The following DSCAML1 variants were observed in gnomAD, a reference collection of about 807,000 sequenced individuals.
DSCAML1 encodes DS cell adhesion molecule like 1, also known as cell adhesion molecule DSCAML1.
In DSCAML1, 38 loss-of-function variants were observed where a neutral mutation model predicts 200.5. That is an observed-to-expected ratio of 0.19 (90% CI 0.15 to 0.25). The LOEUF (loss-of-function observed/expected upper bound fraction) is 0.25. Ranked by LOEUF, DSCAML1 falls within the 10% of genes least tolerant of loss-of-function variation. The pLI is 1.00. For missense variants in DSCAML1, 2,223 were observed against 2,858.8 expected, an observed-to-expected ratio of 0.78 and a Z score of 5.07; for synonymous variants, 1,215 against 1,165.0, an observed-to-expected ratio of 1.04 and a Z score of -0.87.
At chr11:117,796,068 G>A (rs1370954470) in intron 1 of DSCAML1, among the ~76,000 whole-genome samples, 1 of 152,246 alleles carries the variant, frequency 6.6e-6, no homozygotes, top group Non-Finnish European at 1.5e-5. Flanking sequence ...CTCTGCGATA[G>A]CCTGGAACCC....
intron 11 of DSCAML1, among the ~76,000 whole-genome samples, chr11:117,499,436 C>T (rs763752755): frequency 1.3e-5 from 2 of 151,944 alleles, no homozygotes; most frequent in Non-Finnish European, 2.9e-5. Context: ...GGAAACAGGC[C>T]CAGAGAAAGG....
Position 117,532,390 on chromosome 11 carries a change from C to A in DSCAML1, c.644G>T (p.Arg215Leu). 1 of 1,613,862 alleles carries A rather than the reference C, an allele frequency of 6.2e-7. No individual in the cohort carries two copies. The highest frequency in any genetic ancestry group is 1.1e-5 in the South Asian group (1 of 91,048). ...CTCTCCCCTACCTGTCACAGAGAGG[C>A]GTGCCCCATTGCTCTGCCGGGTCTC... ...SGETRQSNGA[R>L]LSVTDPAESI... Residue 215 changes from arginine (R) to leucine (L), a missense_variant, in exon 4 of 33, where the codon CGC (arginine) becomes CTC (leucine). Physicochemically the swap from Arg to Leu is moderately radical, Grantham distance 102. This residue lies in a region of DSCAML1 where 579 missense variants were observed against 721.5 expected (regional missense o/e 0.80). Coordinates refer to ENST00000651296, the MANE Select transcript of DSCAML1 (RefSeq NM_020693.4).
In DSCAML1 at chr11:117,443,937, C is replaced by A; in HGVS notation, c.3811G>T (p.Ala1271Ser). Residue 1271 changes from alanine (A) to serine (S), a missense_variant, in exon 21 of 33, where the codon GCC becomes TCC. This residue lies in a region of DSCAML1 where 614 missense variants were observed against 739.1 expected (regional missense o/e 0.83). Transcript: ENST00000651296. ...TTCTCGCTGCTGTTGCCCCGGCCGG[C>A]AGAGGTGACGGCGGCCACCCACAGC... Reference protein sequence around the residue: ...YLLWVAAVTSAGRGNSSEKVT... With the variant: ...YLLWVAAVTSSGRGNSSEKVT... 1 of 1,613,238 alleles carries A rather than the reference C, an allele frequency of 6.2e-7. No individual in the cohort carries two copies. Among genetic ancestry groups the A allele is most frequent in the Non-Finnish European group, 8.5e-7 (1 of 1,179,800 alleles).
intron 3 of DSCAML1, among the ~76,000 whole-genome samples, chr11:117,537,462 G>C (rs1250872979): frequency 1.3e-5 from 2 of 152,196 alleles, no homozygotes; most frequent in Non-Finnish European, 2.9e-5. Flanking sequence ...CACCAGGGGT[G>C]GCGGGGAAAG....
chr11:117,490,812 C>A (rs1346523512), intron 11 of DSCAML1, among the ~76,000 whole-genome samples: 2 of 152,196 alleles, frequency 1.3e-5, no homozygotes, highest in African/African-American at 4.8e-5. Flanking sequence ...TTCTTCCTCA[C>A]ATGGAGAGAT....
chr11:117,742,776 A>G (rs553391748), intron 3 of DSCAML1, among the ~76,000 whole-genome samples: 121 of 152,340 alleles, frequency 7.9e-4, no homozygotes, highest in Middle Eastern at 3.4e-3. Context: ...GAATCAGAGA[A>G]AAATATTTGG....
chr11:117,524,787 G>C lies in DSCAML1; in HGVS notation c.937+18C>G. ...CTCAGAGGTTACTGGGGCTGCAGAA[G>C]GGGCTTCCCCGACTCACCAATGACC... On this transcript the variant is annotated intron_variant, in intron 5 of 32. Coordinates refer to ENST00000651296, the MANE Select transcript of DSCAML1 (RefSeq NM_020693.4). 6.4e-7 allele frequency: 1 copy of C among 1,561,842 alleles called. No homozygotes were observed. The highest frequency in any genetic ancestry group is 8.7e-7 in the Non-Finnish European group (1 of 1,152,554).
chr11:117,437,367 T>C lies in DSCAML1; in HGVS notation c.4475A>G (p.Asn1492Ser), dbSNP rs770444049. The C allele has an allele frequency of 6.2e-7, 1 of 1,613,338 alleles. No homozygotes were observed. The highest frequency in any genetic ancestry group is 1.7e-5 in the Admixed American group (1 of 59,954). The change falls in exon 26 of 33, where the codon AAC becomes AGC. Residue 1492 changes from asparagine (N) to serine (S), a missense_variant. This residue lies in a region of DSCAML1 where 614 missense variants were observed against 739.1 expected (regional missense o/e 0.83). Transcript: ENST00000651296. The surrounding 1 kb of genome is among the most constrained non-coding windows in gnomAD (Gnocchi z 5.3). ...CAGGTTAAGCCGAGCATGCGTGGAG[T>C]TGATGTGGGTGAAGAGGTGTTGGTC... ...SKDQHLFTHINSTHARLNLQG... is the reference protein window; with the variant it reads ...SKDQHLFTHISSTHARLNLQG...
At chr11:117,542,726 T>C (rs1159334746) in intron 3 of DSCAML1, among the ~76,000 whole-genome samples, 1 of 152,270 alleles carries the variant, frequency 6.6e-6, no homozygotes, top group African/African-American at 2.4e-5. Context: ...CAGGCACATC[T>C]TCCCTCTCTT....
At chr11:117,696,994 T>TA (rs1163914688) in intron 3 of DSCAML1, among the ~76,000 whole-genome samples, 3 of 152,250 alleles carry the variant, frequency 2.0e-5, no homozygotes, top group African/African-American at 7.2e-5. Flanking sequence ...AGCTAACATT[T>TA]AACAAGGACC....
At chr11:117,431,266 A>C (rs2047786586) in intron 31 of DSCAML1, among the ~76,000 whole-genome samples, 1 of 152,242 alleles carries the variant, frequency 6.6e-6, no homozygotes, top group Non-Finnish European at 1.5e-5. Flanking sequence ...TGGAACATTC[A>C]GCCCTTTCTC....
At chr11:117,525,812 C>G (rs11603340) in intron 4 of DSCAML1, among the ~76,000 whole-genome samples, 35,811 of 152,014 alleles carry the variant, frequency 0.24, 4,431 homozygotes, top group East Asian at 0.35. Flanking sequence ...CATGACGTCT[C>G]AAGTTTGCAA....
At chr11:117,591,090 T>G (rs1036511965) in intron 3 of DSCAML1, among the ~76,000 whole-genome samples, 2 of 152,240 alleles carry the variant, frequency 1.3e-5, no homozygotes, top group African/African-American at 4.8e-5. Flanking sequence ...ATTTTGAGAA[T>G]GGAAATCAAT....
chr11:117,474,063 G>C (rs919303388), intron 14 of DSCAML1, among the ~76,000 whole-genome samples: 1 of 152,236 alleles, frequency 6.6e-6, no homozygotes, highest in East Asian at 1.9e-4. Flanking sequence ...AGACTGGGGC[G>C]GTGTGTCTGG....
At chr11:117,472,114 C>G in intron 14 of DSCAML1, 78 bp from the exon 15 acceptor site, 2 of 1,549,498 alleles carry the variant, frequency 1.3e-6, no homozygotes, top group African/African-American at 2.7e-5. Context: ...ACCAGTACAA[C>G]CCAATATTAA....
chr11:117,706,122 A>G (rs2053755367), intron 3 of DSCAML1, among the ~76,000 whole-genome samples: 1 of 152,164 alleles, frequency 6.6e-6, no homozygotes, highest in Non-Finnish European at 1.5e-5. Context: ...ACCACTGAGC[A>G]GCTCATCTCC....
intron 3 of DSCAML1, among the ~76,000 whole-genome samples, chr11:117,648,147 G>A (rs193257728): frequency 1.3e-5 from 2 of 152,304 alleles, no homozygotes; most frequent in Non-Finnish European, 2.9e-5. Flanking sequence ...ATCTGTGCCC[G>A]TCTTTACGCA....
intron 3 of DSCAML1, among the ~76,000 whole-genome samples, chr11:117,747,220 C>T (rs548494562): frequency 5.2e-4 from 79 of 152,310 alleles, no homozygotes; most frequent in African/African-American, 1.9e-3. Flanking sequence ...TTGACCTTTC[C>T]CCTAACCGGT....
At position 117,797,166 on chromosome 11, in the gene DSCAML1, C is replaced by T. The variant is rs988326411; in HGVS notation, c.-87G>A. 4 of 1,581,324 alleles carry T rather than the reference C, an allele frequency of 2.5e-6. No individual in the cohort carries two copies. The African/African-American group carries it at 5.6e-5, about 22-fold the overall frequency. ...CTCCCCCGCTCAGCGCGCTCCCAGC[C>T]GCCCGCACTCGGCGCCCCGCTCTCT... On this transcript the variant is annotated 5_prime_UTR_variant, in exon 1 of 33. Coordinates refer to ENST00000651296, the MANE Select transcript of DSCAML1 (RefSeq NM_020693.4).
Sources: allele counts gnomAD v4.1 joint callset (sites outside exome capture counted in the v4.1 genomes callset), GRCh38; gene constraint gnomAD v4.1.1; regional missense constraint gnomAD v4.1.1; non-coding constraint Gnocchi (gnomAD v3.1); transcripts MANE v1.5; gene names NCBI Gene and HGNC (gene_info 2026-07-23, HGNC 2026-07-21).